The following SRGAP1 variants were observed in gnomAD, a reference collection of about 807,000 sequenced individuals.
The protein encoded by SRGAP1 is SLIT-ROBO Rho GTPase activating protein 1.
SRGAP1 carries 43 observed loss-of-function variants against 121.9 expected under a neutral mutation model. The observed-to-expected ratio is 0.35, with a 90% CI of 0.28 to 0.46. The LOEUF (loss-of-function observed/expected upper bound fraction) is 0.46. Ranked by LOEUF, SRGAP1 falls within the 20% of genes least tolerant of loss-of-function variation. The pLI, the probability that SRGAP1 is intolerant of heterozygous loss-of-function variation, is 1.00. For synonymous variants in SRGAP1, 447 were observed against 485.4 expected (o/e 0.92, Z 1.04); for missense variants, 1,102 against 1,350.9 (o/e 0.82, Z 2.89).
intron 1 of SRGAP1, among the ~76,000 whole-genome samples, chr12:63,890,697 C>T (rs1332089503): frequency 2.6e-5 from 4 of 152,150 alleles, no homozygotes; most frequent in African/African-American, 9.7e-5. Flanking sequence ...CAGGACAGGC[C>T]TGCCTGAGCC....
At chr12:63,860,828 C>CTT (rs56144118) in intron 1 of SRGAP1, among the ~76,000 whole-genome samples, 1 of 145,498 alleles carries the variant, frequency 6.9e-6, no homozygotes. Context: ...TTCTTGCCCT[C>CTT]TTTTTTTTTT....
At chr12:63,889,318 C>T (rs537142590) in intron 1 of SRGAP1, among the ~76,000 whole-genome samples, 1 of 152,270 alleles carries the variant, frequency 6.6e-6, no homozygotes, top group East Asian at 1.9e-4. Context: ...GACAGCATAC[C>T]AAGCCTACCA....
intron 1 of SRGAP1, among the ~76,000 whole-genome samples, chr12:63,882,343 G>C (rs868215928): frequency 6.6e-6 from 1 of 152,016 alleles, no homozygotes; most frequent in Admixed American, 6.6e-5. Flanking sequence ...GTGCAGTGGC[G>C]CAATCTCGGC....
In SRGAP1 at chr12:64,146,150, C is replaced by T. The variant is rs187675128; in HGVS notation, c.*3478C>T. Reference sequence around the variant, plus strand: ...AACTGTTTGAACCTGCTGAGTGGCGCTTTGTAGAGCTCCATGTTCACGTTC... The same window carrying T: ...AACTGTTTGAACCTGCTGAGTGGCGTTTTGTAGAGCTCCATGTTCACGTTC... On this transcript the variant is annotated 3_prime_UTR_variant, in exon 22 of 22. Transcript: ENST00000355086. 2.6e-5 allele frequency: 4 copies of T among 152,280 alleles called. No homozygotes were observed. The highest frequency in any genetic ancestry group is 5.9e-5 in the Non-Finnish European group (4 of 68,028). The allele number at this position is 152,280 out of a possible 1,614,324, so 9.4% of individuals were successfully genotyped here.
intron 6 of SRGAP1, among the ~76,000 whole-genome samples, chr12:64,059,326 C>T (rs760654370): frequency 1.3e-5 from 2 of 152,118 alleles, no homozygotes; most frequent in Non-Finnish European, 2.9e-5. Flanking sequence ...TTCAGAGCTC[C>T]AAGTCAATCT....
chr12:64,098,212 C>T (rs1438621889), intron 15 of SRGAP1, among the ~76,000 whole-genome samples: 2 of 152,070 alleles, frequency 1.3e-5, no homozygotes, highest in Admixed American at 6.6e-5. Context: ...AAAAACATCT[C>T]ACTACTCATC....
chr12:64,007,524 G>A (rs559986180), intron 3 of SRGAP1, among the ~76,000 whole-genome samples: 12 of 152,192 alleles, frequency 7.9e-5, no homozygotes, highest in East Asian at 3.9e-4. Context: ...AACAGGCCAC[G>A]GACTGGTACC....
At chr12:64,054,079 A>C (rs576109440) in intron 6 of SRGAP1, among the ~76,000 whole-genome samples, 1 of 152,306 alleles carries the variant, frequency 6.6e-6, no homozygotes, top group East Asian at 1.9e-4. Flanking sequence ...ATAAAATTCT[A>C]TCCGTGCTTT....
At chr12:63,992,002 G>A (rs1262465309) in intron 3 of SRGAP1, among the ~76,000 whole-genome samples, 1 of 152,184 alleles carries the variant, frequency 6.6e-6, no homozygotes, top group African/African-American at 2.4e-5. Flanking sequence ...TCTCAGAAAG[G>A]GGAACACTTG....
rs1360028809 is a variant in SRGAP1, at chr12:64,063,156, T to C, written c.1023+18T>C. On this transcript the variant is annotated intron_variant, in intron 7 of 21. Coordinates refer to ENST00000355086, the MANE Select transcript of SRGAP1 (RefSeq NM_020762.4). ...GTGATGAGGTCAGTAATTGATCATT[T>C]TTAAAATAATGAATTGTCTCTTCAC... 4 of 1,578,292 alleles carry C rather than the reference T, an allele frequency of 2.5e-6. No homozygotes were observed. The highest frequency in any genetic ancestry group is 3.5e-6 in the Non-Finnish European group (4 of 1,149,764).
At chr12:63,939,685 A>G (rs924202624) in intron 1 of SRGAP1, among the ~76,000 whole-genome samples, 1 of 152,188 alleles carries the variant, frequency 6.6e-6, no homozygotes, top group Non-Finnish European at 1.5e-5. Flanking sequence ...GTAAAAAACA[A>G]GTTGTTTCTC....
intron 3 of SRGAP1, among the ~76,000 whole-genome samples, chr12:64,000,194 G>T (rs566352127): frequency 6.6e-6 from 1 of 150,854 alleles, no homozygotes; most frequent in Non-Finnish European, 1.5e-5. Flanking sequence ...GAGGAGGAAA[G>T]ATAAGGGAAG....
intron 1 of SRGAP1, among the ~76,000 whole-genome samples, chr12:63,954,677 C>CAAAAAAAAAAAAAAAAAAAA (rs60508657): frequency 3.8e-5 from 4 of 104,614 alleles, no homozygotes; most frequent in African/African-American, 1.1e-4. Context: ...GACTCCATCT[C>CAAAAAAAAAAAAAAAAAAAA]AAAAAAAAAA....
At chr12:63,934,652 C>A (rs1415251614) in intron 1 of SRGAP1, among the ~76,000 whole-genome samples, 1 of 151,304 alleles carries the variant, frequency 6.6e-6, no homozygotes, top group Non-Finnish European at 1.5e-5. Flanking sequence ...ACAACCACCA[C>A]CCCCCCCAAC....
At chr12:63,849,994 A>G (rs1899023822) in intron 1 of SRGAP1, among the ~76,000 whole-genome samples, 1 of 152,244 alleles carries the variant, frequency 6.6e-6, no homozygotes, top group Non-Finnish European at 1.5e-5. Flanking sequence ...GTCTGTGAAC[A>G]GGAGTTAATT....
At chr12:63,968,081 A>G (rs1447224500) in intron 1 of SRGAP1, among the ~76,000 whole-genome samples, 3 of 152,236 alleles carry the variant, frequency 2.0e-5, no homozygotes, top group Non-Finnish European at 4.4e-5. Flanking sequence ...GACTCACTAA[A>G]TATGTTACCT....
At chr12:64,005,122 T>C (rs1167963497) in intron 3 of SRGAP1, among the ~76,000 whole-genome samples, 2 of 152,122 alleles carry the variant, frequency 1.3e-5, no homozygotes, top group Non-Finnish European at 2.9e-5. Flanking sequence ...AGCAGTTAAA[T>C]AGGAACAAGA....
intron 4 of SRGAP1, among the ~76,000 whole-genome samples, chr12:64,030,544 A>C (rs557511394): frequency 6.6e-6 from 1 of 152,352 alleles, no homozygotes; most frequent in African/African-American, 2.4e-5. Context: ...TTATGAAACT[A>C]ATTGTAATTT....
chr12:64,101,536 G>C (rs2036256129), intron 15 of SRGAP1, among the ~76,000 whole-genome samples: 1 of 152,144 alleles, frequency 6.6e-6, no homozygotes, highest in Non-Finnish European at 1.5e-5. Flanking sequence ...TGAAGACATA[G>C]TAAAACCAAA....
Sources: allele counts gnomAD v4.1 joint callset (sites outside exome capture counted in the v4.1 genomes callset), GRCh38; gene constraint gnomAD v4.1.1; transcripts MANE v1.5; gene names NCBI Gene and HGNC (gene_info 2026-07-23, HGNC 2026-07-21).